The following RNASEH1 variants were observed in gnomAD, a reference collection of about 807,000 sequenced individuals.
The protein encoded by RNASEH1 is ribonuclease H type II.
In RNASEH1, 27 loss-of-function variants were observed where a neutral mutation model predicts 34.6. That is an observed-to-expected ratio of 0.78 (90% CI 0.58 to 1.08). The LOEUF is 1.08. Ranked by LOEUF, RNASEH1 falls within the 50% of genes least tolerant of loss-of-function variation. The probability of loss-of-function intolerance (pLI) is 0.00; values close to 1 mark genes in which losing one functional copy is unlikely to be tolerated. For missense variants in RNASEH1, 349 were observed against 373.6 expected, an observed-to-expected ratio of 0.93 and a Z score of 0.54; for synonymous variants, 162 against 138.4, an observed-to-expected ratio of 1.17 and a Z score of -1.20.
chr2:3,550,475 G>A lies in RNASEH1; in HGVS notation c.410-3C>T, dbSNP rs779280822. 4.3e-6 allele frequency: 7 copies of A among 1,611,956 alleles called. No homozygotes were observed. Among genetic ancestry groups the A allele is most frequent in the Non-Finnish European group, 4.2e-6 (5 of 1,178,042 alleles). The stretch of plus-strand genomic sequence containing the variant: ...AGTGTAGACGACGACGAAGTCTCCT[G>A]TGGGAAAAGGAAGTACATGCTGCTG... On this transcript the variant is annotated splice_polypyrimidine_tract_variant and splice_region_variant and intron_variant, in intron 3 of 7. Coordinates refer to ENST00000315212, the MANE Select transcript of RNASEH1 (RefSeq NM_002936.6).
rs1001509243 is a variant in RNASEH1, at chr2:3,557,023, G to A, written c.129-119C>T. ...TGGTATCTGAGGGAGACTGATTCCA[G>A]GAAGTCCTCCACCCCATCACAGATA... On this transcript the variant is annotated intron_variant, in intron 1 of 7. Transcript: ENST00000315212. 1.7e-5 allele frequency: 12 copies of A among 714,618 alleles called. 1 individual carries two copies. The highest frequency in any genetic ancestry group is 2.2e-5 in the Non-Finnish European group (9 of 407,826). The allele number at this position is 714,618 out of a possible 1,614,324, so 44.3% of individuals were successfully genotyped here.
chr2:3,549,412 GGAGA>G (rs891650075), intron 4 of RNASEH1, among the ~76,000 whole-genome samples: 1 of 152,190 alleles, frequency 6.6e-6, no homozygotes, highest in Non-Finnish European at 1.5e-5. Context: ...GAAGAAGAAT[GGAGA>G]GAGTGAGACT....
downstream of RNASEH1, among the ~76,000 whole-genome samples, chr2:3,540,455 C>A (rs989428084): frequency 2.6e-5 from 4 of 152,202 alleles, no homozygotes; most frequent in African/African-American, 9.7e-5. Context: ...ATTGCCCAGG[C>A]TGGAGTGCAG....
Position 3,548,744 on chromosome 2 carries a change from A to C in RNASEH1, c.565-20T>G. On this transcript the variant is annotated intron_variant, in intron 5 of 7. Coordinates refer to ENST00000315212, the MANE Select transcript of RNASEH1 (RefSeq NM_002936.6). ...GGCTGCCTTGAAAAGACAAGTCGAT[A>C]GTCATGCTACAGAAAATGTTCAACT... The C allele has an allele frequency of 1.3e-6, 2 of 1,573,734 alleles. No homozygotes were observed. The highest frequency in any genetic ancestry group is 2.2e-5 in the East Asian group (1 of 44,704).
the RNASEH1 span, among the ~76,000 whole-genome samples, chr2:3,535,654 G>T: frequency 6.6e-6 from 1 of 152,000 alleles, no homozygotes; most frequent in Admixed American, 6.6e-5. Flanking sequence ...GGGACAGGGG[G>T]ACACCTGTGG....
At position 3,550,471 on chromosome 2, in the gene RNASEH1, T is replaced by C. The variant is rs143901295; in HGVS notation, c.411A>G (p.Gly137=). ...CATCAGTGTAGACGACGACGAAGTC[T>C]CCTGTGGGAAAAGGAAGTACATGCT... ...PVSRDTFSYM[G]DFVVVYTDGC... Residue 137 remains glycine, a splice_region_variant and synonymous_variant, in exon 4 of 8, where the codon GGA becomes GGG. Transcript: ENST00000315212. The C allele has an allele frequency of 1.9e-4, 306 of 1,613,284 alleles. No individual in the cohort carries two copies. Among genetic ancestry groups the C allele is most frequent in the Non-Finnish European group, 2.4e-4 (282 of 1,179,368 alleles).
chr2:3,549,538 G>C (rs1669081414), intron 4 of RNASEH1, among the ~76,000 whole-genome samples: 1 of 152,214 alleles, frequency 6.6e-6, no homozygotes, highest in Non-Finnish European at 1.5e-5. Flanking sequence ...AGGAGATCCA[G>C]AGTTTCCTAA....
chr2:3,554,699 T>C (rs937322618), intron 2 of RNASEH1, among the ~76,000 whole-genome samples: 4 of 152,244 alleles, frequency 2.6e-5, no homozygotes, highest in South Asian at 2.1e-4. Flanking sequence ...CATACTTATA[T>C]TGGAAGACTT....
At chr2:3,557,949 G>A (rs1660692261) in intron 1 of RNASEH1, 184 bp downstream of exon 1, 5 of 1,514,770 alleles carry the variant, frequency 3.3e-6, no homozygotes, top group Non-Finnish European at 4.4e-6. Context: ...TCCAGTCCCA[G>A]GCCATGAGCC....
At chr2:3,552,425 CTCTA>C (rs1318297569) in intron 2 of RNASEH1, 117 bp from the exon 3 acceptor site, 1 of 668,524 alleles carries the variant, frequency 1.5e-6, no homozygotes, top group East Asian at 4.3e-5. Flanking sequence ...AAAACACCCT[CTCTA>C]TGTGGCCCTA....
intron 3 of RNASEH1, among the ~76,000 whole-genome samples, chr2:3,551,138 T>C (rs1030139610): frequency 6.6e-6 from 1 of 152,188 alleles, no homozygotes; most frequent in African/African-American, 2.4e-5. Context: ...ATAGAGGTGG[T>C]ACGCGCAGGA....
At chr2:3,553,546 C>A (rs945366285) in intron 2 of RNASEH1, among the ~76,000 whole-genome samples, 13 of 150,160 alleles carry the variant, frequency 8.7e-5, no homozygotes, top group African/African-American at 3.2e-4. Flanking sequence ...CCCACCACCA[C>A]ACCCAGCTAA....
chr2:3,535,374 C>T, the RNASEH1 span, among the ~76,000 whole-genome samples: 1 of 146,908 alleles, frequency 6.8e-6, no homozygotes, highest in Non-Finnish European at 1.5e-5. Flanking sequence ...CTGCAGTGAG[C>T]TGTGATTGCA....
chr2:3,545,833 T>C lies in RNASEH1; in HGVS notation c.813A>G (p.Glu271=). Residue 271 remains glutamate (E), a synonymous_variant, in exon 8 of 8, where the codon GAA becomes GAG. Transcript: ENST00000315212. ...CTTCTCTGGCTAATCTGTCAGCTTC[T>C]TCATTGCCTATAAATCCCGAATGAC... ...VPGHSGFIGN[E]EADRLAREGA... is the part of the protein sequence containing the mutation. 6.2e-7 allele frequency: 1 copy of C among 1,613,946 alleles called. No individual in the cohort carries two copies. The highest frequency in any genetic ancestry group is 8.5e-7 in the Non-Finnish European group (1 of 1,179,750).
chr2:3,535,887 A>G, the RNASEH1 span, among the ~76,000 whole-genome samples: 5 of 152,194 alleles, frequency 3.3e-5, no homozygotes, highest in African/African-American at 1.2e-4. Context: ...TGATCAGACT[A>G]GAGATGTGTT....
intron 3 of RNASEH1, among the ~76,000 whole-genome samples, chr2:3,551,175 C>G (rs1158866644): frequency 6.6e-6 from 1 of 152,232 alleles, no homozygotes; most frequent in African/African-American, 2.4e-5. Flanking sequence ...CGAAGGACGG[C>G]AGACTGAGCT....
rs562189563 is a variant in RNASEH1 at position 3,543,270 on chromosome 2, G to C, written c.*2515C>G. On this transcript the variant is annotated 3_prime_UTR_variant, in exon 8 of 8. Transcript: ENST00000315212. ...TACAGCCTGCACACAACGCACAGGA[G>C]AACGTTCTGAACCACTTTTGGTCCT... is the stretch of plus-strand genomic sequence containing the variant. Among the ~76,000 whole-genome samples the C allele has an allele frequency of 1.1e-3, 172 of 152,310 alleles. No individual in the cohort carries two copies. The highest frequency in any genetic ancestry group is 4.0e-3 in the African/African-American group (167 of 41,568).
Position 3,556,879 on chromosome 2 carries a change from G to T in RNASEH1, c.154C>A (p.Arg52=), listed in dbSNP as rs552205074. ...TWNECRAQVD[R]FPAARFKKFA... is the part of the protein sequence containing the mutation. ...TTCTTAAATCTGGCAGCAGGAAACC[G>T]GTCCACCTGTGCTCTGCACTCATTC... is the stretch of plus-strand genomic sequence containing the variant. Residue 52 remains arginine (R), a synonymous_variant, in exon 2 of 8, where the codon CGG becomes AGG. Transcript: ENST00000315212. 6.2e-7 allele frequency: 1 copy of T among 1,613,852 alleles called. No individual in the cohort carries two copies. The highest frequency in any genetic ancestry group is 8.5e-7 in the Non-Finnish European group (1 of 1,179,740).
At chr2:3,540,789 A>AT (rs966502039), downstream of RNASEH1, among the ~76,000 whole-genome samples, 122 of 147,310 alleles carry the variant, frequency 8.3e-4, no homozygotes, top group African/African-American at 1.2e-3. Context: ...TTCTGGTTCA[A>AT]TTTTTTTTTT....
Sources: allele counts gnomAD v4.1 joint callset (sites outside exome capture counted in the v4.1 genomes callset), GRCh38; gene constraint gnomAD v4.1.1; transcripts MANE v1.5; gene names NCBI Gene and HGNC (gene_info 2026-07-23, HGNC 2026-07-21).